Variants in SMIM7 observed in about 807,000 individuals in gnomAD.
SMIM7 encodes small integral membrane protein 7.
A neutral mutation model predicts 13.3 loss-of-function variants in SMIM7; 12 were observed. That is an observed-to-expected ratio of 0.90 (90% confidence interval 0.58 to 1.46). SMIM7 has a LOEUF of 1.46. SMIM7 is among the 40% of genes most tolerant of loss of function. The probability of loss-of-function intolerance (pLI) is 0.00; values close to 1 mark genes in which losing one functional copy is unlikely to be tolerated. For missense variants in SMIM7, 114 were observed against 94.8 expected (o/e 1.20, Z -0.84); for synonymous variants, 36 against 35.8 (o/e 1.01, Z -0.02).
intron 3 of SMIM7, chr19:16,659,143 C>T: frequency 3.6e-6 from 2 of 553,974 alleles, no homozygotes; most frequent in South Asian, 2.0e-5. Flanking sequence ...TTTAGCCTGG[C>T]ATGGTGGCAC....
chr19:16,652,616 T>C (rs2122534471), intron 4 of SMIM7: 1 of 1,289,188 alleles, frequency 7.8e-7, no homozygotes, highest in Non-Finnish European at 9.8e-7. Flanking sequence ...TTGGCAACAG[T>C]CTTCCTGGGA....
intron 4 of SMIM7, among the ~76,000 whole-genome samples, chr19:16,631,891 G>GAA (rs2086324413): frequency 2.2e-5 from 2 of 90,334 alleles, no homozygotes; most frequent in African/African-American, 1.5e-4. Context: ...TTTTTTTTTC[G>GAA]AGAGAGTCTC....
chr19:16,633,325 G>A (rs1351174607), intron 4 of SMIM7, among the ~76,000 whole-genome samples: 1 of 151,836 alleles, frequency 6.6e-6, no homozygotes, highest in Non-Finnish European at 1.5e-5. Context: ...GGCAGGTGGT[G>A]CGCGCCTGTA....
chr19:16,654,447 C>A (rs1035630088), intron 3 of SMIM7, among the ~76,000 whole-genome samples: 4 of 152,340 alleles, frequency 2.6e-5, no homozygotes, highest in African/African-American at 9.6e-5. Context: ...GCCAGGCTTA[C>A]TGAGCTGGGA....
chr19:16,636,764 C>A (rs2086363901), intron 4 of SMIM7, among the ~76,000 whole-genome samples: 1 of 151,936 alleles, frequency 6.6e-6, no homozygotes, highest in Non-Finnish European at 1.5e-5. Context: ...CCAGCCTGGG[C>A]AACATAGTGA....
intron 2 of SMIM7, chr19:16,659,713 G>C (rs909477071): frequency 2.6e-5 from 17 of 652,590 alleles, no homozygotes; most frequent in African/African-American, 9.1e-5. Context: ...TTTCTTGGGG[G>C]ATGGGGCTTA....
chr19:16,647,411 G>A lies in SMIM7; in HGVS notation c.213-150C>T, dbSNP rs980313715. Reference sequence around the variant, plus strand: ...TTTTAAAGTAACCTGTGATCCACCTGTGAATATAATTAACAATACTGAACT... The same window carrying A: ...TTTTAAAGTAACCTGTGATCCACCTATGAATATAATTAACAATACTGAACT... On this transcript the variant is annotated intron_variant, in intron 4 of 4. Transcript: ENST00000487416. 5.8e-6 allele frequency: 5 copies of A among 856,910 alleles called. No homozygotes were observed. In the African/African-American group the frequency reaches 6.7e-5, roughly 12 times the overall value. The allele number at this position is 856,910 out of a possible 1,614,324, so 53.1% of individuals were successfully genotyped here. A position where few individuals can be genotyped will look rare whatever the true frequency, so the allele number is the denominator to read the frequency against.
intron 4 of SMIM7, chr19:16,653,088 C>T: frequency 8.8e-7 from 1 of 1,132,974 alleles, no homozygotes; most frequent in Non-Finnish European, 1.2e-6. Flanking sequence ...TCCACCTCGG[C>T]AGATGCAGAA....
chr19:16,647,256 A>G lies in SMIM7; in HGVS notation c.218T>C (p.Phe73Ser). Residue 73 changes from phenylalanine (F) to serine (S), a missense_variant, in exon 5 of 5, where the codon TTC (phenylalanine) becomes TCC (serine). Transcript: ENST00000487416. ...IFMMFCMIVL[F>S]GS ...TTTCATCGCTGGGATTCAAGAGCCG[A>G]ACAGCCTGGAGAAGTCAGAGGGCAG... 6.2e-7 allele frequency: 1 copy of G among 1,614,028 alleles called. No individual in the cohort carries two copies. The highest frequency in any genetic ancestry group is 8.5e-7 in the Non-Finnish European group (1 of 1,180,016).
At position 16,647,265 on chromosome 19, in the gene SMIM7, G is replaced by A. The variant is rs373587633; in HGVS notation, c.213-4C>T. ...TGGGATTCAAGAGCCGAACAGCCTG[G>A]AGAAGTCAGAGGGCAGAAATGTCTG... is the stretch of plus-strand genomic sequence containing the variant. On this transcript the variant is annotated splice_polypyrimidine_tract_variant and splice_region_variant and intron_variant, in intron 4 of 4. Coordinates refer to ENST00000487416, the MANE Select transcript of SMIM7 (RefSeq NM_024104.4). 4 of 1,613,874 alleles carry A rather than the reference G, an allele frequency of 2.5e-6. No homozygotes were observed. The African/African-American group carries it at 5.3e-5, about 22-fold the overall frequency.
downstream of SMIM7, chr19:16,645,685 A>G (rs1432862186): frequency 1.4e-5 from 2 of 141,884 alleles, no homozygotes; most frequent in African/African-American, 5.5e-5. Context: ...TTTTTGAGAC[A>G]GAATCTCATT....
chr19:16,632,293 A>G (rs2086327597), intron 4 of SMIM7, among the ~76,000 whole-genome samples: 1 of 152,090 alleles, frequency 6.6e-6, no homozygotes, highest in South Asian at 2.1e-4. Flanking sequence ...TGTTTACTCT[A>G]AAAGTGAAAC....
downstream of SMIM7, among the ~76,000 whole-genome samples, chr19:16,642,383 C>T (rs563443614): frequency 1.3e-5 from 2 of 152,148 alleles, no homozygotes; most frequent in Non-Finnish European, 2.9e-5. Context: ...CATGGTGAAA[C>T]CCTGTCTCCA....
At chr19:16,643,213 T>C (rs970943159), downstream of SMIM7, among the ~76,000 whole-genome samples, 5 of 152,140 alleles carry the variant, frequency 3.3e-5, no homozygotes, top group Non-Finnish European at 5.9e-5. Context: ...TGCTGGAAGA[T>C]ACTAAGATAA....
chr19:16,651,157 G>C (rs1241196090), intron 4 of SMIM7, among the ~76,000 whole-genome samples: 1 of 152,190 alleles, frequency 6.6e-6, no homozygotes, highest in Non-Finnish European at 1.5e-5. Flanking sequence ...CCTTTCTTGA[G>C]AGAATCTTCT....
chr19:16,659,697 G>T, intron 2 of SMIM7: 2 of 647,278 alleles, frequency 3.1e-6, no homozygotes, highest in Non-Finnish European at 5.3e-6. Context: ...GTCCGCGGTG[G>T]GGCTATTTCT....
intron 4 of SMIM7, among the ~76,000 whole-genome samples, chr19:16,633,466 A>G (rs1259361130): frequency 7.0e-5 from 8 of 114,248 alleles, no homozygotes; most frequent in African/African-American, 3.5e-4. Flanking sequence ...AAAAAAAAAG[A>G]AAAAAAAAAA....
At chr19:16,653,096 G>A (rs1362233971) in intron 4 of SMIM7, 3 of 1,067,366 alleles carry the variant, frequency 2.8e-6, no homozygotes, top group South Asian at 3.2e-5. Context: ...GGCAGATGCA[G>A]AAGAACTGGT....
chr19:16,631,275 A>T (rs986050810), exon 5 of SMIM7: 1 of 152,204 alleles, frequency 6.6e-6, no homozygotes, highest in African/African-American at 2.4e-5. Context: ...ATTCCCAGCT[A>T]CTTGGGAGGT....
Sources: gnomAD v4.1 joint callset for allele counts (sites outside exome capture counted in the v4.1 genomes callset) on GRCh38, gnomAD v4.1.1 for gene constraint, MANE v1.5 for transcripts, NCBI Gene and HGNC (gene_info 2026-07-23, HGNC 2026-07-21) for gene names.